IFT122: variants seen among roughly 807,000 people sequenced by gnomAD.
IFT122 encodes intraflagellar transport protein 122 homolog.
IFT122 carries 118 observed loss-of-function variants against 161.6 expected under a neutral mutation model. That is an observed-to-expected ratio of 0.73 (90% CI 0.63 to 0.85). The LOEUF (loss-of-function observed/expected upper bound fraction) is 0.85. Ranked by LOEUF, IFT122 falls within the 40% of genes least tolerant of loss-of-function variation. The pLI is 0.00. For synonymous variants in IFT122, 550 were observed against 602.4 expected, an observed-to-expected ratio of 0.91 and a Z score of 1.27; for missense variants, 1,381 against 1,579.6, an observed-to-expected ratio of 0.87 and a Z score of 2.13.
intron 3 of IFT122, among the ~76,000 whole-genome samples, chr3:129,454,556 T>TGC (rs1553734630): frequency 1.1e-4 from 16 of 150,186 alleles, no homozygotes; most frequent in African/African-American, 2.9e-4. Context: ...TGTGTGTGTG[T>TGC]GCATGTTTGA....
At chr3:129,487,846 TC>T (rs1332479526) in intron 15 of IFT122, 4 of 328,400 alleles carry the variant, frequency 1.2e-5, no homozygotes, top group Non-Finnish European at 2.4e-5. Context: ...TGAGACTCTT[TC>T]CCCTGGGGTG....
chr3:129,512,433 C>T lies in IFT122; in HGVS notation c.2987+21C>T, dbSNP rs764025106. On this transcript the variant is annotated intron_variant, in intron 24 of 29. Coordinates refer to ENST00000348417, the MANE Select transcript of IFT122 (RefSeq NM_052989.3). ...AAAGTGTATCCTTTCTCTTATCCCT[C>T]CTCCGTCCCACCACCGTTCTTGTCT... The T allele has an allele frequency of 1.0e-5, 15 of 1,502,870 alleles. No homozygotes were observed. The Admixed American group carries it at 1.2e-4, about 12-fold the overall frequency. 93.1% of individuals were successfully genotyped at this position (1,502,870 alleles called of 1,614,324 possible). A position where few individuals can be genotyped will look rare whatever the true frequency, so the allele number is the denominator to read the frequency against.
At chr3:129,466,107 C>T (rs938658297) in intron 7 of IFT122, among the ~76,000 whole-genome samples, 4 of 152,158 alleles carry the variant, frequency 2.6e-5, no homozygotes, top group African/African-American at 7.2e-5. Context: ...CTGTGCCTGA[C>T]CCTATATGCT....
intron 26 of IFT122, among the ~76,000 whole-genome samples, chr3:129,516,302 ACACACAGAGACTGCCCCTG>A (rs1405076976): frequency 2.9e-5 from 4 of 136,014 alleles, no homozygotes; most frequent in Middle Eastern, 4.0e-3. Flanking sequence ...ACACACACAC[ACACACAGAGACTGCCCCTG>A]CACACACACA....
intron 5 of IFT122, 73 bp from the exon 6 acceptor site, chr3:129,463,487 A>G (rs2076392990): frequency 8.3e-7 from 1 of 1,206,968 alleles, no homozygotes; most frequent in Admixed American, 1.7e-5. Context: ...GTATGTTTCA[A>G]TTATTTGTTC....
In IFT122 at chr3:129,449,922, CG is replaced by C; in HGVS notation, c.95del (p.Gly32GlufsTer57). 6.2e-7 allele frequency: 1 copy of C among 1,611,194 alleles called. No individual in the cohort carries two copies. The highest frequency in any genetic ancestry group is 8.5e-7 in the Non-Finnish European group (1 of 1,177,580). On this transcript the variant is annotated frameshift_variant, in exon 2 of 30. Transcript: ENST00000348417. LOFTEE classifies it high-confidence loss of function. ...ATGGAACTCAACTGATTTTGGCTGC[CG>C]GAAGCAGATTACTGGTAGGATTTTG... The part of the protein sequence containing the change: ...PDGTQLILAA[G>X]SRLLVYDTSD...
intron 18 of IFT122, among the ~76,000 whole-genome samples, chr3:129,497,397 C>T (rs934398318): frequency 2.6e-5 from 4 of 152,180 alleles, no homozygotes; most frequent in Non-Finnish European, 4.4e-5. Flanking sequence ...ATGGTAATAG[C>T]GACAGCTCAG....
chr3:129,514,858 CCTTTA>C (rs2083290750), intron 25 of IFT122: 1 of 510,212 alleles, frequency 2.0e-6, no homozygotes, highest in East Asian at 3.7e-5. Flanking sequence ...GGTGGCTCTG[CCTTTA>C]CCCCAGGCCT....
rs2082940872 is a variant in IFT122, at chr3:129,512,413, G to A, written c.2987+1G>A. 1 of 1,594,994 alleles carries A rather than the reference G, an allele frequency of 6.3e-7. No homozygotes were observed. Among genetic ancestry groups the A allele is most frequent in the South Asian group, 1.1e-5 (1 of 90,688 alleles). ...ACACCCCCTCGGGCATCTCTAAAGT[G>A]TATCCTTTCTCTTATCCCTCCTCCG... is the stretch of plus-strand genomic sequence containing the variant. On this transcript the variant is annotated splice_donor_variant, in intron 24 of 29. Transcript: ENST00000348417. LOFTEE classifies it high-confidence loss of function.
At chr3:129,503,376 A>G (rs921801079) in intron 20 of IFT122, among the ~76,000 whole-genome samples, 5 of 151,786 alleles carry the variant, frequency 3.3e-5, no homozygotes, top group Non-Finnish European at 7.4e-5. Context: ...CCCCACAACC[A>G]CTACTTCTCT....
At chr3:129,476,585 T>G in intron 10 of IFT122, 78 bp from the exon 11 acceptor site, 1 of 1,613,530 alleles carries the variant, frequency 6.2e-7, no homozygotes, top group Non-Finnish European at 8.5e-7. Flanking sequence ...GTCACATCAC[T>G]GGGGTTTGTG....
intron 26 of IFT122, 71 bp from the exon 27 acceptor site, chr3:129,517,398 A>G (rs998148261): frequency 1.3e-6 from 2 of 1,598,250 alleles, no homozygotes; most frequent in Non-Finnish European, 1.7e-6. Context: ...CTCTGTGGTC[A>G]CCCCACCTGC....
chr3:129,482,348 C>T (rs2078762193), intron 14 of IFT122, among the ~76,000 whole-genome samples: 1 of 152,202 alleles, frequency 6.6e-6, no homozygotes, highest in Non-Finnish European at 1.5e-5. Flanking sequence ...TTCTGCTGGG[C>T]TCGCGCCATT....
intron 15 of IFT122, chr3:129,487,716 G>C (rs2079457026): frequency 5.3e-6 from 1 of 187,348 alleles, no homozygotes; most frequent in East Asian, 1.3e-4. Context: ...ACGTAGACTG[G>C]GGTTCTGCTG....
In IFT122 at chr3:129,476,724, G is replaced by A. The variant is rs771890344; in HGVS notation, c.1070G>A (p.Gly357Glu). 1 of 1,614,110 alleles carries A rather than the reference G, an allele frequency of 6.2e-7. No homozygotes were observed. The highest frequency in any genetic ancestry group is 8.5e-7 in the Non-Finnish European group (1 of 1,180,030). ...CAGCTTATTTTCAGCACAGTCCATG[G>A]GCTTTACAAGGACCGCTATGCCTAC... is the stretch of plus-strand genomic sequence containing the variant. ...FYQLIFSTVH[G>E]LYKDRYAYRD... Residue 357 changes from glycine (G) to glutamate (E), a missense_variant, in exon 11 of 30, where the codon GGG becomes GAG. Around this residue, in one of 7 missense-constraint regions of IFT122, gnomAD observed 544 missense variants for 648.0 expected, o/e 0.84. Transcript: ENST00000348417.
chr3:129,514,383 C>T lies in IFT122; in HGVS notation c.2988-6C>T, dbSNP rs749670705. ...CCCCTGCTGTCCTTAACCCTGTTCACGGCAGGAAAATACTCTTCACCTTGG... is the reference window on the plus strand; with the variant it reads ...CCCCTGCTGTCCTTAACCCTGTTCATGGCAGGAAAATACTCTTCACCTTGG... On this transcript the variant is annotated splice_region_variant and splice_polypyrimidine_tract_variant and intron_variant, in intron 24 of 29. Transcript: ENST00000348417. 4.6e-5 allele frequency: 74 copies of T among 1,613,968 alleles called. No homozygotes were observed. The highest frequency in any genetic ancestry group is 3.3e-4 in the Middle Eastern group (2 of 6,084).
rs185655615 is a variant in IFT122, at chr3:129,518,206, C to T, written c.3391+612C>T. 2.4e-4 allele frequency among the ~76,000 whole-genome samples: 37 copies of T among 152,336 alleles called. 1 individual carries two copies. The East Asian group carries it at 4.4e-3, about 18-fold the overall frequency. ...CCCCACATCCCCTCAGCCTTATAGC[C>T]CCCAGAAACAGCCAGCTTTCCTCTC... On this transcript the variant is annotated intron_variant, in intron 27 of 29. Coordinates refer to ENST00000348417, the MANE Select transcript of IFT122 (RefSeq NM_052989.3).
At chr3:129,443,989 A>G (rs2073622271) in intron 1 of IFT122, among the ~76,000 whole-genome samples, 1 of 152,226 alleles carries the variant, frequency 6.6e-6, no homozygotes, top group Non-Finnish European at 1.5e-5. Flanking sequence ...CAAGGCAGAA[A>G]GGAAGCCACA....
intron 14 of IFT122, among the ~76,000 whole-genome samples, chr3:129,482,645 G>T (rs961094479): frequency 3.3e-5 from 5 of 152,166 alleles, no homozygotes; most frequent in African/African-American, 9.7e-5. Context: ...GTCCTTGAGA[G>T]AGTAGAATGG....
Sources: allele counts gnomAD v4.1 joint callset (sites outside exome capture counted in the v4.1 genomes callset), GRCh38; gene constraint gnomAD v4.1.1; regional missense constraint gnomAD v4.1.1; transcripts MANE v1.5; gene names NCBI Gene and HGNC (gene_info 2026-07-23, HGNC 2026-07-21).